Variants in ACSBG1 observed in about 807,000 individuals in gnomAD.
ACSBG1 encodes the protein acyl-CoA synthetase bubblegum family member 1.
A neutral mutation model predicts 80.2 loss-of-function variants in ACSBG1; 39 were observed. The observed-to-expected ratio is 0.49, with a 90% CI of 0.38 to 0.64. The LOEUF (loss-of-function observed/expected upper bound fraction) is 0.64, where lower values mean the gene tolerates loss of function less well. Among genes scored for constraint, ACSBG1 ranks in the 30% least tolerant of loss-of-function variants. The pLI is 0.00. For missense variants in ACSBG1, 828 were observed against 966.4 expected (o/e 0.86, Z 1.90); for synonymous variants, 392 against 379.5 (o/e 1.03, Z -0.38).
intron 1 of ACSBG1, among the ~76,000 whole-genome samples, chr15:78,217,606 G>A (rs796923298): frequency 9.4e-5 from 14 of 148,416 alleles, no homozygotes; most frequent in African/African-American, 3.0e-4. Flanking sequence ...TCACTCTGTC[G>A]CCCAGGCTGG....
At chr15:78,195,399 T>A (rs560930438) in intron 2 of ACSBG1, among the ~76,000 whole-genome samples, 43 of 152,268 alleles carry the variant, frequency 2.8e-4, no homozygotes, top group African/African-American at 9.4e-4. Context: ...AGGGTCAGGA[T>A]TTGAACTCAG....
Position 78,168,861 on chromosome 15 carries a change from T to C in ACSBG1, c.*2583A>G, listed in dbSNP as rs1443891250. ...TGGCATCTCACTGAGGGCTTTAAAA[T>C]CTCCTTGGTTTAGTTTAGTTTGCGG... On this transcript the variant is annotated 3_prime_UTR_variant, in exon 14 of 14. Transcript: ENST00000258873. The C allele has an allele frequency of 9.0e-7, 1 of 1,106,892 alleles. No homozygotes were observed. The highest frequency in any genetic ancestry group is 1.5e-5 in the African/African-American group (1 of 64,658). The allele number at this position is 1,106,892 out of a possible 1,614,324, so 68.6% of individuals were successfully genotyped here.
chr15:78,196,020 C>G (rs918341165), intron 2 of ACSBG1, among the ~76,000 whole-genome samples: 3 of 152,184 alleles, frequency 2.0e-5, no homozygotes, highest in Admixed American at 6.5e-5. Context: ...TGTGGAGGGC[C>G]GGAAGTAGGG....
chr15:78,226,100 G>T (rs190091926), intron 1 of ACSBG1, among the ~76,000 whole-genome samples: 3 of 152,258 alleles, frequency 2.0e-5, no homozygotes, highest in African/African-American at 4.8e-5. Flanking sequence ...CGGTATTTTT[G>T]TCGTCTAATC....
intron 1 of ACSBG1, among the ~76,000 whole-genome samples, chr15:78,223,946 A>C (rs1227504007): frequency 6.6e-6 from 1 of 152,178 alleles, no homozygotes; most frequent in African/African-American, 2.4e-5. Flanking sequence ...GGAATGCTGG[A>C]GCACCAGGAG....
rs1021472769 is a variant in ACSBG1 at position 78,181,044 on chromosome 15, AC to A, written c.1072-109del. 1.3e-5 allele frequency: 16 copies of A among 1,266,936 alleles called. No homozygotes were observed. The African/African-American group carries it at 2.6e-4, about 20-fold the overall frequency. 78.5% of individuals were successfully genotyped at this position (1,266,936 alleles called of 1,614,324 possible). A position where few individuals can be genotyped will look rare whatever the true frequency, so the allele number is the denominator to read the frequency against. On this transcript the variant is annotated intron_variant, in intron 8 of 13. Coordinates refer to ENST00000258873, the MANE Select transcript of ACSBG1 (RefSeq NM_015162.5). Reference sequence around the variant, plus strand: ...GTGGCACACACATGCTCCAACGGGCACCCACACACACCTGCACGCAAGGGTG... The same window carrying A: ...GTGGCACACACATGCTCCAACGGGCACCACACACACCTGCACGCAAGGGTG...
intron 2 of ACSBG1, among the ~76,000 whole-genome samples, chr15:78,204,779 T>C (rs1295903618): frequency 1.3e-5 from 2 of 152,224 alleles, no homozygotes; most frequent in Non-Finnish European, 2.9e-5. Context: ...AACTGTGAGC[T>C]TCTTGAGGAC....
At chr15:78,214,403 G>A (rs1398096913) in intron 1 of ACSBG1, among the ~76,000 whole-genome samples, 1 of 152,176 alleles carries the variant, frequency 6.6e-6, no homozygotes, top group Non-Finnish European at 1.5e-5. Context: ...AATGGAGGCA[G>A]CCCTAGCTAG....
chr15:78,202,925 G>A (rs766197962), intron 2 of ACSBG1, among the ~76,000 whole-genome samples: 1 of 152,130 alleles, frequency 6.6e-6, no homozygotes, highest in Non-Finnish European at 1.5e-5. Flanking sequence ...CAGGGGACTG[G>A]TCTCTTATTC....
At chr15:78,227,218 C>CAAAAAAAAAAAAAAAAAAAA (rs56011241) in intron 1 of ACSBG1, among the ~76,000 whole-genome samples, 1 of 53,746 alleles carries the variant, frequency 1.9e-5, no homozygotes, top group Non-Finnish European at 3.4e-5. Flanking sequence ...GACCCTGTCT[C>CAAAAAAAAAAAAAAAAAAAA]AAAAAAAAAA....
intron 2 of ACSBG1, among the ~76,000 whole-genome samples, chr15:78,198,190 CCAT>C (rs1466003558): frequency 6.6e-6 from 1 of 151,952 alleles, no homozygotes; most frequent in African/African-American, 2.4e-5. Flanking sequence ...GCATGCACCA[CCAT>C]GTCTGGCTAA....
At chr15:78,221,954 TC>T (rs980175092) in intron 1 of ACSBG1, among the ~76,000 whole-genome samples, 2 of 152,208 alleles carry the variant, frequency 1.3e-5, no homozygotes, top group African/African-American at 2.4e-5. Flanking sequence ...AACAATTTTT[TC>T]TTTGTACAGA....
In ACSBG1 at chr15:78,170,657, G is replaced by C. The variant is rs1339628655; in HGVS notation, c.*787C>G. On this transcript the variant is annotated 3_prime_UTR_variant, in exon 14 of 14. Coordinates refer to ENST00000258873, the MANE Select transcript of ACSBG1 (RefSeq NM_015162.5). ...AGAATGGAAGTGGGGTGGTCTGGTG[G>C]CGACAGGCTAACGTAGAGCTGGCTG... 2 of 149,340 alleles carry C rather than the reference G, an allele frequency of 1.3e-5. No individual in the cohort carries two copies. The highest frequency in any genetic ancestry group is 2.9e-5 in the Non-Finnish European group (2 of 68,016). The allele number at this position is 149,340 out of a possible 1,614,324, so 9.3% of individuals were successfully genotyped here.
intron 1 of ACSBG1, among the ~76,000 whole-genome samples, chr15:78,209,632 G>A (rs986866440): frequency 2.6e-5 from 4 of 152,112 alleles, no homozygotes; most frequent in Middle Eastern, 3.2e-3. Context: ...AGGCAGCGAC[G>A]GCAAACGAGG....
chr15:78,180,084 T>C (rs1413379892), intron 9 of ACSBG1, among the ~76,000 whole-genome samples: 11 of 152,148 alleles, frequency 7.2e-5, no homozygotes. Context: ...GCACACACAA[T>C]ACACATGCAC....
chr15:78,207,733 T>C (rs527768244), intron 2 of ACSBG1: 4 of 469,592 alleles, frequency 8.5e-6, no homozygotes, highest in East Asian at 6.9e-5. Context: ...ATGTCCTACC[T>C]GTCTCTCTAT....
chr15:78,197,901 T>C (rs2075129735), intron 2 of ACSBG1, among the ~76,000 whole-genome samples: 1 of 152,026 alleles, frequency 6.6e-6, no homozygotes, highest in Non-Finnish European at 1.5e-5. Context: ...AAAAGGTGAC[T>C]TTCTCCCGTG....
In ACSBG1 at chr15:78,177,533, A is replaced by T. The variant is rs1255742530; in HGVS notation, c.1702+1081T>A. Among the ~76,000 whole-genome samples the T allele has an allele frequency of 6.6e-6, 1 of 152,066 alleles. No homozygotes were observed. The highest frequency in any genetic ancestry group is 1.9e-4 in the East Asian group (1 of 5,178). The stretch of plus-strand genomic sequence containing the variant: ...CCCATGCAGGGATGTGGGTCCCCTC[A>T]TCGGCCATTACAAAGAGGCACACTA... On this transcript the variant is annotated intron_variant, in intron 11 of 13. Coordinates refer to ENST00000258873, the MANE Select transcript of ACSBG1 (RefSeq NM_015162.5). The surrounding 1 kb of genome is among the most constrained non-coding windows in gnomAD (Gnocchi z 4.1).
At chr15:78,204,753 C>T (rs1213470681) in intron 2 of ACSBG1, among the ~76,000 whole-genome samples, 1 of 152,244 alleles carries the variant, frequency 6.6e-6, no homozygotes, top group South Asian at 2.1e-4. Context: ...CGGCCTCCTC[C>T]TGCTACCCGG....
Sources: gnomAD v4.1 joint callset for allele counts (sites outside exome capture counted in the v4.1 genomes callset) on GRCh38, gnomAD v4.1.1 for gene constraint, Gnocchi (gnomAD v3.1) non-coding constraint, MANE v1.5 for transcripts, NCBI Gene and HGNC (gene_info 2026-07-23, HGNC 2026-07-21) for gene names.